EMX2: variants seen among roughly 807,000 people sequenced by gnomAD.
EMX2 encodes the protein empty spiracles homeobox 2, also known as homeobox protein EMX2.
Under a neutral mutation model 23.0 loss-of-function variants are expected in EMX2, and 6 were observed. The observed-to-expected ratio is 0.26, with a 90% CI of 0.14 to 0.52. The LOEUF is 0.52. EMX2 is among the 20% of genes least tolerant of loss of function. The probability of loss-of-function intolerance (pLI) is 0.97; values close to 1 mark genes in which losing one functional copy is unlikely to be tolerated. For missense variants in EMX2, 302 were observed against 341.4 expected (o/e 0.88, Z 0.91); for synonymous variants, 175 against 153.3 (o/e 1.14, Z -1.04).
chr10:117,545,942 C>T lies in EMX2; in HGVS notation c.591+126C>T. On this transcript the variant is annotated intron_variant, in intron 2 of 2. Transcript: ENST00000553456. ...TCCGCACAGGTCCTGGTAGCTGGTTCCACGCCTGGGCTCGGGATGTATGTC... is the reference window on the plus strand; with the variant it reads ...TCCGCACAGGTCCTGGTAGCTGGTTTCACGCCTGGGCTCGGGATGTATGTC... The T allele has an allele frequency of 3.0e-6, 4 of 1,343,422 alleles. No individual in the cohort carries two copies. In the South Asian group the frequency reaches 5.1e-5, roughly 17 times the overall value. 83.2% of individuals were successfully genotyped at this position (1,343,422 alleles called of 1,614,324 possible). A position where few individuals can be genotyped will look rare whatever the true frequency, so the allele number is the denominator to read the frequency against.
chr10:117,547,058 C>A (rs1245106890), intron 2 of EMX2, among the ~76,000 whole-genome samples: 2 of 152,184 alleles, frequency 1.3e-5, no homozygotes, highest in Non-Finnish European at 2.9e-5. Flanking sequence ...TACCTGTACA[C>A]CACTGCTGTG....
intron 1 of EMX2, among the ~76,000 whole-genome samples, chr10:117,544,001 G>C (rs1457762302): frequency 6.6e-6 from 1 of 152,206 alleles, no homozygotes; most frequent in African/African-American, 2.4e-5. Context: ...GAGCCCGCGG[G>C]ATCCCCAGGC....
intron 1 of EMX2, chr10:117,545,021 GC>G (rs901810812): frequency 3.3e-5 from 5 of 152,240 alleles, no homozygotes; most frequent in African/African-American, 9.6e-5. Flanking sequence ...GGAGCCGGGA[GC>G]CCCGGAGCCC....
In EMX2 at chr10:117,542,995, C is replaced by G. The variant is rs1846513546; in HGVS notation, c.-273C>G. ...CCCCAATCCACGCCTGCAAATTCTTCTGGAAGGATTTTCCCCCCTCTCTTC... is the reference window on the plus strand; with the variant it reads ...CCCCAATCCACGCCTGCAAATTCTTGTGGAAGGATTTTCCCCCCTCTCTTC... On this transcript the variant is annotated 5_prime_UTR_variant, in exon 1 of 3. Transcript: ENST00000553456. The G allele has an allele frequency of 1.2e-5, 4 of 327,434 alleles. No homozygotes were observed. The allele number at this position is 327,434 out of a possible 1,614,324, so 20.3% of individuals were successfully genotyped here.
intron 1 of EMX2, chr10:117,545,097 G>C (rs1340523178): frequency 2.0e-5 from 3 of 152,202 alleles, no homozygotes; most frequent in Admixed American, 2.0e-4. Flanking sequence ...TGTCCCGATC[G>C]GGCTTCAACG....
At chr10:117,547,526 T>A (rs531995954) in intron 2 of EMX2, among the ~76,000 whole-genome samples, 2 of 152,204 alleles carry the variant, frequency 1.3e-5, no homozygotes, top group Non-Finnish European at 2.9e-5. Context: ...CAAACCCTGA[T>A]CGCCTACCCA....
intron 2 of EMX2, among the ~76,000 whole-genome samples, chr10:117,546,403 G>A (rs572798687): frequency 6.6e-6 from 1 of 152,352 alleles, no homozygotes; most frequent in Admixed American, 6.5e-5. Flanking sequence ...CAGGGTCCCT[G>A]GGCGGGCCTG....
In EMX2 at chr10:117,549,369, T is replaced by C. The variant is rs1268629412; in HGVS notation, c.*1137T>C. 6.6e-6 allele frequency: 1 copy of C among 152,656 alleles called. No homozygotes were observed. Among genetic ancestry groups the C allele is most frequent in the African/African-American group, 2.4e-5 (1 of 41,454 alleles). 9.5% of individuals were successfully genotyped at this position (152,656 alleles called of 1,614,324 possible). Reference sequence around the variant, plus strand: ...CAAGTTTTCAAGCACTGAGTTTCTATTCCAAGATCATAGACTTACTAAAGA... The same window carrying C: ...CAAGTTTTCAAGCACTGAGTTTCTACTCCAAGATCATAGACTTACTAAAGA... On this transcript the variant is annotated 3_prime_UTR_variant, in exon 3 of 3. Transcript: ENST00000553456.
chr10:117,548,739 G>A lies in EMX2; in HGVS notation c.*507G>A, dbSNP rs1020509009. The A allele has an allele frequency of 1.5e-5, 6 of 407,648 alleles. No individual in the cohort carries two copies. Among genetic ancestry groups the A allele is most frequent in the African/African-American group, 4.1e-5 (2 of 48,550 alleles). The allele number at this position is 407,648 out of a possible 1,614,324, so 25.3% of individuals were successfully genotyped here. A position where few individuals can be genotyped will look rare whatever the true frequency, so the allele number is the denominator to read the frequency against. On this transcript the variant is annotated 3_prime_UTR_variant, in exon 3 of 3. Coordinates refer to ENST00000553456, the MANE Select transcript of EMX2 (RefSeq NM_004098.4). ...AGGACTTTTTTGTTTTTTGCACTTCGCTGTGTTTCCCCCCCATCTTTAAAA... is the reference window on the plus strand; with the variant it reads ...AGGACTTTTTTGTTTTTTGCACTTCACTGTGTTTCCCCCCCATCTTTAAAA...
chr10:117,546,101 T>C (rs1846575087), intron 2 of EMX2, among the ~76,000 whole-genome samples: 1 of 138,652 alleles, frequency 7.2e-6, no homozygotes, highest in African/African-American at 2.7e-5. Context: ...GCATTTCTGG[T>C]GAGACTTTTG....
In EMX2 at chr10:117,545,769, G is replaced by T. The variant is rs141981608; in HGVS notation, c.544G>T (p.Ala182Ser). ...TGAGAAGAATCACTACGTGGTGGGC[G>T]CCGAAAGGAAGCAGCTGGCACACAG... is the stretch of plus-strand genomic sequence containing the variant. ...AFEKNHYVVG[A>S]ERKQLAHSLS... Residue 182 changes from alanine (A) to serine (S), a missense_variant, in exon 2 of 3, where the codon GCC (alanine) becomes TCC (serine). By Grantham distance (99) the Ala-to-Ser change is moderately conservative. Around this residue, in one of 4 missense-constraint regions of EMX2, gnomAD observed 37 missense variants for 69.1 expected, o/e 0.54. Coordinates refer to ENST00000553456, the MANE Select transcript of EMX2 (RefSeq NM_004098.4). The T allele has an allele frequency of 6.2e-7, 1 of 1,614,002 alleles. No individual in the cohort carries two copies. Among genetic ancestry groups the T allele is most frequent in the Admixed American group, 1.7e-5 (1 of 60,032 alleles).
Position 117,548,259 on chromosome 10 carries a change from G to C in EMX2, c.*27G>C. ...AACATAAACCTAACCCCACAGAAAC[G>C]GACAACATGGAGCAAAAGAGACAGG... On this transcript the variant is annotated 3_prime_UTR_variant, in exon 3 of 3. Transcript: ENST00000553456. 1 of 1,611,642 alleles carries C rather than the reference G, an allele frequency of 6.2e-7. No individual in the cohort carries two copies. Among genetic ancestry groups the C allele is most frequent in the Non-Finnish European group, 8.5e-7 (1 of 1,178,940 alleles).
chr10:117,543,429 C>T lies in EMX2; in HGVS notation c.162C>T (p.Ala54=). The change falls in exon 1 of 3, where the codon GCC becomes GCT. Residue 54 remains alanine (A), a synonymous_variant. Transcript: ENST00000553456. ...INPFLNGFHS[A]AAAAAGRGVY... Reference sequence around the variant, plus strand: ...CGTTCCTCAACGGCTTCCACTCGGCCGCCGCCGCCGCCGCCGGTAGGGGCG... The same window carrying T: ...CGTTCCTCAACGGCTTCCACTCGGCTGCCGCCGCCGCCGCCGGTAGGGGCG... The T allele has an allele frequency of 6.3e-7, 1 of 1,586,714 alleles. No individual in the cohort carries two copies. Among genetic ancestry groups the T allele is most frequent in the Non-Finnish European group, 8.6e-7 (1 of 1,164,536 alleles).
At chr10:117,547,974 A>T in intron 2 of EMX2, 91 bp from the exon 3 acceptor site, 1 of 1,524,648 alleles carries the variant, frequency 6.6e-7, no homozygotes, top group Non-Finnish European at 8.8e-7. Context: ...CTGAGTCTGG[A>T]ACTGGAGTCT....
At chr10:117,547,577 G>A (rs1413677895) in intron 2 of EMX2, among the ~76,000 whole-genome samples, 2 of 152,344 alleles carry the variant, frequency 1.3e-5, no homozygotes, top group Non-Finnish European at 2.9e-5. Flanking sequence ...TTTAGGAAAC[G>A]CCGCCCAGAC....
chr10:117,543,411 C>T lies in EMX2; in HGVS notation c.144C>T (p.Leu48=), dbSNP rs1209951700. ...ACTCCAGCCCCATAAATCCGTTCCTCAACGGCTTCCACTCGGCCGCCGCCG... is the reference window on the plus strand; with the variant it reads ...ACTCCAGCCCCATAAATCCGTTCCTTAACGGCTTCCACTCGGCCGCCGCCG... ...YANSSPINPF[L]NGFHSAAAAA... Residue 48 remains leucine (L), a synonymous_variant, in exon 1 of 3, where the codon CTC becomes CTT. Coordinates refer to ENST00000553456, the MANE Select transcript of EMX2 (RefSeq NM_004098.4). The T allele has an allele frequency of 1.0e-5, 16 of 1,592,330 alleles. No homozygotes were observed. The highest frequency in any genetic ancestry group is 4.3e-6 in the Non-Finnish European group (5 of 1,170,328).
At chr10:117,547,027 T>C (rs1846588240) in intron 2 of EMX2, among the ~76,000 whole-genome samples, 1 of 152,042 alleles carries the variant, frequency 6.6e-6, no homozygotes, top group South Asian at 2.1e-4. Flanking sequence ...GTATCAGAGG[T>C]GCAGTCACTG....
intron 1 of EMX2, among the ~76,000 whole-genome samples, chr10:117,544,056 G>A (rs561065633): frequency 2.0e-5 from 3 of 152,332 alleles, no homozygotes; most frequent in South Asian, 2.1e-4. Context: ...GGCTCCGAGG[G>A]GCGCGGACAG....
rs1419853773 is a variant in EMX2, at chr10:117,543,145, C to T, written c.-123C>T. On this transcript the variant is annotated 5_prime_UTR_variant, in exon 1 of 3. Transcript: ENST00000553456. ...TTCCTTTCCTTCCCCCCACCCCCAC[C>T]CCCACCCCAAACAAACGAGTCCCCA... is the stretch of plus-strand genomic sequence containing the variant. The T allele has an allele frequency of 1.5e-5, 3 of 195,188 alleles. No individual in the cohort carries two copies. Among genetic ancestry groups the T allele is most frequent in the African/African-American group, 2.8e-5 (1 of 35,534 alleles). The allele number at this position is 195,188 out of a possible 1,614,324, so 12.1% of individuals were successfully genotyped here.
Sources: gnomAD v4.1 joint callset for allele counts (sites outside exome capture counted in the v4.1 genomes callset) on GRCh38, gnomAD v4.1.1 for gene constraint, gnomAD v4.1.1 regional missense constraint, MANE v1.5 for transcripts, NCBI Gene and HGNC (gene_info 2026-07-23, HGNC 2026-07-21) for gene names.